CCR6: variants seen among roughly 807,000 people sequenced by gnomAD.
The protein encoded by CCR6 is C-C motif chemokine receptor 6, also known as C-C chemokine receptor type 6.
CCR6 carries 2 observed loss-of-function variants against 3.0 expected under a neutral mutation model. The ratio of observed to expected loss-of-function variants is 0.66; its 90% confidence interval spans 0.27 to 2.07. The LOEUF is 2.07. Ranked by LOEUF, CCR6 falls within the 30% of genes most tolerant of loss-of-function variation. The pLI is 0.14. For missense variants in CCR6, 322 were observed against 462.8 expected, an observed-to-expected ratio of 0.70 and a Z score of 2.79; for synonymous variants, 193 against 184.3, an observed-to-expected ratio of 1.05 and a Z score of -0.38.
chr6:167,133,930 G>GTATATATATATATATA (rs1201380934), intron 1 of CCR6, among the ~76,000 whole-genome samples: 5 of 29,048 alleles, frequency 1.7e-4, no homozygotes, highest in Admixed American at 8.7e-4. Flanking sequence ...TGATATATGT[G>GTATATATATATATATA]TGTATATATA....
chr6:167,112,043 G>T (rs995507090), intron 1 of CCR6: 1 of 152,098 alleles, frequency 6.6e-6, no homozygotes, highest in Non-Finnish European at 1.5e-5. Flanking sequence ...TTGGAACTTA[G>T]AAAATATTGT....
rs1223599967 is a variant in CCR6, at chr6:167,138,607, G to C, written c.*1252G>C. The C allele has an allele frequency of 2.6e-5, 4 of 152,280 alleles. No homozygotes were observed. The highest frequency in any genetic ancestry group is 4.4e-5 in the Non-Finnish European group (3 of 68,020). The allele number at this position is 152,280 out of a possible 1,614,324, so 9.4% of individuals were successfully genotyped here. ...GAACATTAGAAAAATAGCAACTTGTGTTACAAAAATACAAACACATGTTAG... is the reference window on the plus strand; with the variant it reads ...GAACATTAGAAAAATAGCAACTTGTCTTACAAAAATACAAACACATGTTAG... On this transcript the variant is annotated 3_prime_UTR_variant, in exon 3 of 3. Transcript: ENST00000341935.
upstream of CCR6, among the ~76,000 whole-genome samples, chr6:167,121,772 T>G (rs1781590952): frequency 6.6e-6 from 1 of 152,264 alleles, no homozygotes; most frequent in African/African-American, 2.4e-5. Flanking sequence ...AGCCAGGACT[T>G]AGTCAGGAGA....
Position 167,136,531 on chromosome 6 carries a change from T to G in CCR6, c.301T>G (p.Phe101Val). 3.1e-6 allele frequency: 5 copies of G among 1,593,596 alleles called. No homozygotes were observed. Among genetic ancestry groups the G allele is most frequent in the Non-Finnish European group, 3.4e-6 (4 of 1,168,806 alleles). ...ADILFVLTLP[F>V]WAVSHATGAW... ...CATCCTCTTTGTTCTTACTCTCCCA[T>G]TCTGGGCAGTGAGTCATGCCACCGG... Residue 101 changes from phenylalanine to valine, a missense_variant, in exon 3 of 3, where the codon TTC becomes GTC. By Grantham distance (50) the Phe-to-Val change is conservative (BLOSUM62 -1). Transcript: ENST00000341935. The surrounding 1 kb of genome is among the most constrained non-coding windows in gnomAD (Gnocchi z 4.6).
Position 167,112,351 on chromosome 6 carries a change from G to A in CCR6, c.-98+337G>A, listed in dbSNP as rs147519859. 2.5e-4 allele frequency among the ~76,000 whole-genome samples: 38 copies of A among 152,278 alleles called. No individual in the cohort carries two copies. The East Asian group carries it at 6.6e-3, about 26-fold the overall frequency. On this transcript the variant is annotated intron_variant, in intron 1 of 2. Transcript: ENST00000400926. ...GCCAGAAGATGGCCATGGAGGGTTG[G>A]GAGGCAGATTTTTCTGATCCTAGTC...
chr6:167,119,401 T>C (rs1781552449), upstream of CCR6: 1 of 152,290 alleles, frequency 6.6e-6, no homozygotes, highest in African/African-American at 2.4e-5. Flanking sequence ...TCCAACTATA[T>C]GAGTTCCCAA....
chr6:167,136,766 C>A lies in CCR6; in HGVS notation c.536C>A (p.Ser179Tyr). 1 of 1,613,976 alleles carries A rather than the reference C, an allele frequency of 6.2e-7. No individual in the cohort carries two copies. Among genetic ancestry groups the A allele is most frequent in the Non-Finnish European group, 8.5e-7 (1 of 1,180,040 alleles). ...LVVWGLSVII[S>Y]SSTFVFNQKY... The stretch of plus-strand genomic sequence containing the variant: ...GTGTGGGGGCTGTCAGTCATCATCT[C>A]CAGCTCAACTTTTGTCTTCAACCAA... Residue 179 changes from serine (S) to tyrosine (Y), a missense_variant, in exon 3 of 3, where the codon TCC becomes TAC. Coordinates refer to ENST00000341935, the MANE Select transcript of CCR6 (RefSeq NM_031409.4). This position sits in a 1 kb window ranked among gnomAD's most constrained non-coding sequence, Gnocchi z 4.6.
chr6:167,117,778 C>T (rs1296873664), upstream of CCR6, among the ~76,000 whole-genome samples: 3 of 152,026 alleles, frequency 2.0e-5, no homozygotes. Flanking sequence ...GGTCTCTATT[C>T]CCTCAATGTA....
Position 167,136,301 on chromosome 6 carries a change from C to T in CCR6, c.71C>T (p.Thr24Ile). 1 of 1,611,964 alleles carries T rather than the reference C, an allele frequency of 6.2e-7. No homozygotes were observed. Among genetic ancestry groups the T allele is most frequent in the Non-Finnish European group, 8.5e-7 (1 of 1,179,354 alleles). Reference protein sequence around the residue: ...SSEDYFVSVNTSYYSVDSEML... With the variant: ...SSEDYFVSVNISYYSVDSEML... The stretch of plus-strand genomic sequence containing the variant: ...GAAGATTATTTTGTGTCAGTCAATA[C>T]TTCATATTACTCAGTTGATTCTGAG... The change falls in exon 3 of 3, where the codon ACT becomes ATT. Residue 24 changes from threonine to isoleucine, a missense_variant. Coordinates refer to ENST00000341935, the MANE Select transcript of CCR6 (RefSeq NM_031409.4). This position sits in a 1 kb window ranked among gnomAD's most constrained non-coding sequence, Gnocchi z 4.6.
chr6:167,135,838 G>T (rs1014018529), intron 1 of CCR6, among the ~76,000 whole-genome samples, 200 bp from the exon 2 acceptor site: 1 of 152,182 alleles, frequency 6.6e-6, no homozygotes, highest in African/African-American at 2.4e-5. Context: ...AGACCATATG[G>T]CCTGAAAAGC....
chr6:167,124,840 C>T (rs1404685912), intron 1 of CCR6, among the ~76,000 whole-genome samples: 1 of 151,810 alleles, frequency 6.6e-6, no homozygotes, highest in Non-Finnish European at 1.5e-5. Flanking sequence ...TATACATACA[C>T]ACACGTCCAT....
In CCR6 at chr6:167,136,642, T is replaced by C. The variant is rs745654976; in HGVS notation, c.412T>C (p.Cys138Arg). 1 of 1,614,070 alleles carries C rather than the reference T, an allele frequency of 6.2e-7. No homozygotes were observed. Among genetic ancestry groups the C allele is most frequent in the South Asian group, 1.1e-5 (1 of 91,056 alleles). Residue 138 changes from cysteine to arginine, a missense_variant, in exon 3 of 3, where the codon TGC (cysteine) becomes CGC (arginine). Coordinates refer to ENST00000341935, the MANE Select transcript of CCR6 (RefSeq NM_031409.4). This position sits in a 1 kb window ranked among gnomAD's most constrained non-coding sequence, Gnocchi z 4.6. ...TAACTGCGGGATGCTGCTCCTGACT[T>C]GCATTAGCATGGACCGGTACATCGC... ...NFNCGMLLLTCISMDRYIAIV... is the reference protein window; with the variant it reads ...NFNCGMLLLTRISMDRYIAIV...
At chr6:167,122,300 G>C (rs932767612), upstream of CCR6, among the ~76,000 whole-genome samples, 1 of 152,206 alleles carries the variant, frequency 6.6e-6, no homozygotes, top group Admixed American at 6.5e-5. The surrounding 1 kb of genome is among the most constrained non-coding windows in gnomAD (Gnocchi z 4.2). Context: ...ACCCAGGTGC[G>C]AACAGCCTTG....
At chr6:167,134,451 G>A (rs1781819155) in intron 1 of CCR6, among the ~76,000 whole-genome samples, 1 of 152,220 alleles carries the variant, frequency 6.6e-6, no homozygotes, top group Non-Finnish European at 1.5e-5. Flanking sequence ...CTGAGGGGCA[G>A]TGAAGAACCG....
At chr6:167,133,930 G>GTGTGTA (rs1554282304) in intron 1 of CCR6, among the ~76,000 whole-genome samples, 1 of 29,024 alleles carries the variant, frequency 3.4e-5, no homozygotes, top group East Asian at 1.4e-3. Context: ...TGATATATGT[G>GTGTGTA]TGTATATATA....
intron 1 of CCR6, chr6:167,127,121 G>T (rs1781679025): frequency 6.6e-6 from 1 of 152,162 alleles, no homozygotes; most frequent in African/African-American, 2.4e-5. Flanking sequence ...CAGATTATAT[G>T]ATTTATATCA....
upstream of CCR6, among the ~76,000 whole-genome samples, chr6:167,118,477 C>T (rs199971014): frequency 5.5e-4 from 83 of 152,076 alleles, no homozygotes; most frequent in African/African-American, 1.5e-3. Flanking sequence ...CCTCTTAGAC[C>T]GGTTTCTATA....
At chr6:167,133,930 G>GTATATATATATATA (rs1201380934) in intron 1 of CCR6, among the ~76,000 whole-genome samples, 9 of 29,048 alleles carry the variant, frequency 3.1e-4, no homozygotes, top group South Asian at 1.7e-3. Context: ...TGATATATGT[G>GTATATATATATATA]TGTATATATA....
At position 167,130,970 on chromosome 6, in the gene CCR6, GGGACCACCCTCCCTCT is replaced by G. The variant is rs1411084587; in HGVS notation, c.-97-5062_-97-5047del. ...CCCTCCCTCCGGGACTCCTCCCTCT[GGGACCACCCTCCCTCT>G]GGACCCCCTCCCTTTGGGACCCCTC... On this transcript the variant is annotated intron_variant, in intron 1 of 2. Transcript: ENST00000341935. 1.0e-3 allele frequency among the ~76,000 whole-genome samples: 94 copies of G among 92,532 alleles called. 3 individuals are homozygous for G. Among genetic ancestry groups the G allele is most frequent in the African/African-American group, 3.5e-3 (91 of 26,184 alleles). 60.7% of individuals were successfully genotyped at this position (92,532 alleles called of 152,430 possible).
Sources: allele counts gnomAD v4.1 joint callset (sites outside exome capture counted in the v4.1 genomes callset), GRCh38; gene constraint gnomAD v4.1.1; non-coding constraint Gnocchi (gnomAD v3.1); transcripts MANE v1.5; gene names NCBI Gene and HGNC (gene_info 2026-07-23, HGNC 2026-07-21).